Variants in NHSL2 observed in about 807,000 individuals in gnomAD.
The protein encoded by NHSL2 is NHS-like protein 2.
A neutral mutation model predicts 53.4 loss-of-function variants in NHSL2; 27 were observed. The observed-to-expected ratio is 0.51, with a 90% CI of 0.37 to 0.70. NHSL2 has a LOEUF of 0.70. NHSL2 is among the 30% of genes least tolerant of loss of function. The pLI is 0.00. For missense variants in NHSL2, 892 were observed against 980.1 expected (o/e 0.91, Z 1.20); for synonymous variants, 408 against 404.1 (o/e 1.01, Z -0.12).
chrX:72,012,097 T>C (rs1002874077), intron 1 of NHSL2, among the ~76,000 whole-genome samples: 1 of 112,086 alleles, frequency 8.9e-6, no homozygotes, highest in African/African-American at 3.2e-5. Context: ...AAGGACTCCA[T>C]AGAACAAAAC....
At chrX:72,064,786 T>A (rs780783175) in intron 1 of NHSL2, among the ~76,000 whole-genome samples, 1 of 112,575 alleles carries the variant, frequency 8.9e-6, no homozygotes, top group South Asian at 3.6e-4. Context: ...ACCAGCCAAA[T>A]GGTGAGGCCT....
At chrX:71,928,122 A>G (rs778380184) in intron 1 of NHSL2, among the ~76,000 whole-genome samples, 2 of 112,555 alleles carry the variant, frequency 1.8e-5, no homozygotes, top group Non-Finnish European at 3.7e-5. Flanking sequence ...TTGTAGATGA[A>G]GAAATCCAGG....
Position 72,142,334 on chromosome X carries a change from C to A in NHSL2, c.3326C>A (p.Thr1109Lys). The change falls in exon 7 of 8, where the codon ACA becomes AAA. Residue 1109 changes from threonine to lysine, a missense_variant. Transcript: ENST00000633930. ...GATGACGTGTTTGTGGCTTCACGCA[C>A]AACTGAAGATTTATTTACTGTGATA... ...DDDDVFVASRTTEDLFTVIHR... is the reference protein window; with the variant it reads ...DDDDVFVASRKTEDLFTVIHR... The A allele has an allele frequency of 8.6e-7, 1 of 1,161,841 alleles. No individual in the cohort carries two copies. The highest frequency in any genetic ancestry group is 1.2e-6 in the Non-Finnish European group (1 of 867,992).
intron 1 of NHSL2, among the ~76,000 whole-genome samples, chrX:71,964,038 T>TGTGTGTGTGTATATATATAG (rs2041888091): frequency 2.1e-5 from 1 of 46,648 alleles, no homozygotes; most frequent in Non-Finnish European, 3.7e-5. Context: ...TATATATATA[T>TGTGTGTGTGTATATATATAG]ATATGTATAT....
intron 1 of NHSL2, among the ~76,000 whole-genome samples, chrX:72,125,760 A>T (rs1313633946): frequency 8.9e-6 from 1 of 111,836 alleles, no homozygotes; most frequent in Non-Finnish European, 1.9e-5. Context: ...CTCACTGATG[A>T]AGCCCACGAC....
chrX:72,130,920 G>C (rs1195923370), intron 1 of NHSL2: 6 of 1,210,197 alleles, frequency 5.0e-6, no homozygotes, highest in Admixed American at 2.2e-5. Flanking sequence ...TTCCTTCCTG[G>C]GTGACCGAGA....
chrX:72,134,432 C>A, intron 3 of NHSL2, 77 bp from the exon 4 acceptor site: 3 of 940,113 alleles, frequency 3.2e-6, no homozygotes, highest in South Asian at 4.6e-5. Flanking sequence ...AACTACCCAG[C>A]CTAAACAGCC....
chrX:72,143,696 C>A lies in NHSL2; in HGVS notation c.*122C>A. The A allele has an allele frequency of 2.2e-6, 1 of 464,239 alleles. No homozygotes were observed. Among genetic ancestry groups the A allele is most frequent in the Admixed American group, 4.3e-5 (1 of 23,229 alleles). The allele number at this position is 464,239 out of a possible 1,213,427, so 38.3% of individuals were successfully genotyped here. On this transcript the variant is annotated 3_prime_UTR_variant, in exon 8 of 8. Transcript: ENST00000633930. Reference sequence around the variant, plus strand: ...TACATTTCTTTTATATTAACTCACACTCTGGACAGCAGGAGAGAGGCTACT... The same window carrying A: ...TACATTTCTTTTATATTAACTCACAATCTGGACAGCAGGAGAGAGGCTACT...
intron 1 of NHSL2, among the ~76,000 whole-genome samples, chrX:72,068,646 G>A (rs1011653373): frequency 1.1e-5 from 1 of 89,324 alleles, no homozygotes; most frequent in Non-Finnish European, 2.3e-5. Flanking sequence ...GCGTAAGTGT[G>A]TCCGTGTGTG....
At chrX:72,068,213 C>T (rs899920394) in intron 1 of NHSL2, among the ~76,000 whole-genome samples, 2 of 112,261 alleles carry the variant, frequency 1.8e-5, no homozygotes, top group Admixed American at 1.9e-4. Context: ...AGAGCAGATC[C>T]CTGGGAACTG....
chrX:72,002,926 C>T (rs1163022684), intron 1 of NHSL2, among the ~76,000 whole-genome samples: 2 of 110,900 alleles, frequency 1.8e-5, no homozygotes, highest in Non-Finnish European at 3.8e-5. Context: ...TAAATAGACC[C>T]TAATTGCTGA....
intron 2 of NHSL2, among the ~76,000 whole-genome samples, chrX:72,132,647 G>A (rs966229617): frequency 9.0e-6 from 1 of 111,437 alleles, no homozygotes; most frequent in Non-Finnish European, 1.9e-5. Flanking sequence ...TCCCACTCTG[G>A]GCTTCACTCA....
chrX:72,029,166 G>T (rs779571526), intron 1 of NHSL2, among the ~76,000 whole-genome samples: 1 of 111,380 alleles, frequency 9.0e-6, no homozygotes, highest in Non-Finnish European at 1.9e-5. Context: ...TCCAAGTAGG[G>T]TTGGGGTTCA....
chrX:72,034,087 C>G (rs1372004421), intron 1 of NHSL2, among the ~76,000 whole-genome samples: 1 of 111,501 alleles, frequency 9.0e-6, no homozygotes, highest in East Asian at 2.8e-4. Context: ...GAGGAAGTTC[C>G]CCCACTCTTC....
chrX:71,915,414 A>G (rs1227229066), intron 1 of NHSL2, among the ~76,000 whole-genome samples: 1 of 111,789 alleles, frequency 8.9e-6, no homozygotes, highest in Non-Finnish European at 1.9e-5. Context: ...CGGACCCAGA[A>G]AGGGGAAGGT....
intron 1 of NHSL2, among the ~76,000 whole-genome samples, chrX:72,112,862 G>A (rs779081673): frequency 9.0e-6 from 1 of 110,928 alleles, no homozygotes; most frequent in African/African-American, 3.3e-5. Flanking sequence ...GCTAATTTTT[G>A]TATTTTTAAT....
chrX:72,106,558 G>C (rs868555181), intron 1 of NHSL2, among the ~76,000 whole-genome samples: 8 of 111,582 alleles, frequency 7.2e-5, no homozygotes, highest in African/African-American at 9.8e-5. Context: ...ACAGTGTGGC[G>C]ATTCCTCAGG....
At chrX:72,018,822 G>A (rs1444403959) in intron 1 of NHSL2, among the ~76,000 whole-genome samples, 2 of 112,944 alleles carry the variant, frequency 1.8e-5, no homozygotes, top group African/African-American at 3.2e-5. Flanking sequence ...GCCAAAGGCC[G>A]GCGCTGCCTT....
chrX:72,044,512 A>G, intron 1 of NHSL2: 1 of 546,044 alleles, frequency 1.8e-6, no homozygotes, highest in East Asian at 3.5e-5. Flanking sequence ...ACATAAGAAG[A>G]GTGGCCCGCT....
Sources: allele counts gnomAD v4.1 joint callset (sites outside exome capture counted in the v4.1 genomes callset), GRCh38; gene constraint gnomAD v4.1.1; transcripts MANE v1.5; gene names NCBI Gene and HGNC (gene_info 2026-07-23, HGNC 2026-07-21).